The following WWC2 variants were observed in gnomAD, a reference collection of about 807,000 sequenced individuals.
The protein encoded by WWC2 is protein WWC2.
In WWC2, 101 loss-of-function variants were observed where a neutral mutation model predicts 138.5. That is an observed-to-expected ratio of 0.73 (90% CI 0.62 to 0.86). The LOEUF is 0.86. WWC2 is among the 40% of genes least tolerant of loss of function. WWC2 has a pLI of 0.00. For missense variants in WWC2, 1,420 were observed against 1,419.4 expected, an observed-to-expected ratio of 1.00 and a Z score of -0.01; for synonymous variants, 558 against 538.4, an observed-to-expected ratio of 1.04 and a Z score of -0.50.
intron 4 of WWC2, among the ~76,000 whole-genome samples, chr4:183,236,478 G>C (rs1736428669): frequency 6.6e-6 from 1 of 152,172 alleles, no homozygotes; most frequent in Non-Finnish European, 1.5e-5. Context: ...CTTGGTGTTT[G>C]CCTTATTTGA....
intron 1 of WWC2, among the ~76,000 whole-genome samples, chr4:183,154,618 A>G (rs1733742166): frequency 6.6e-6 from 1 of 152,202 alleles, no homozygotes; most frequent in African/African-American, 2.4e-5. Context: ...AGGTATGGCA[A>G]CATTTCACAA....
At chr4:183,138,379 A>C (rs1733186805) in intron 1 of WWC2, among the ~76,000 whole-genome samples, 2 of 152,162 alleles carry the variant, frequency 1.3e-5, no homozygotes, top group South Asian at 4.1e-4. Flanking sequence ...GTGTGGTTGT[A>C]GATCCTAATT....
intron 1 of WWC2, among the ~76,000 whole-genome samples, chr4:183,148,768 G>C (rs149745934): frequency 6.6e-6 from 1 of 152,158 alleles, no homozygotes; most frequent in East Asian, 1.9e-4. Context: ...AGAAGAAACT[G>C]CTTCTTTCCT....
At chr4:183,116,543 C>A (rs996660561) in intron 1 of WWC2, among the ~76,000 whole-genome samples, 3 of 152,218 alleles carry the variant, frequency 2.0e-5, no homozygotes, top group African/African-American at 7.2e-5. Flanking sequence ...CCAAGCTGTA[C>A]ATCTAACAAG....
intron 21 of WWC2, among the ~76,000 whole-genome samples, chr4:183,300,572 T>G (rs993210234): frequency 2.0e-5 from 3 of 152,136 alleles, no homozygotes; most frequent in African/African-American, 7.2e-5. Flanking sequence ...ACAAAATTGT[T>G]TGGTATTGAT....
intron 11 of WWC2, among the ~76,000 whole-genome samples, chr4:183,263,831 G>C (rs1006618843): frequency 6.6e-6 from 1 of 152,142 alleles, no homozygotes; most frequent in African/African-American, 2.4e-5. Flanking sequence ...CCTGCATGTG[G>C]GGTGGTGGCT....
At chr4:183,189,302 T>C (rs1012973073) in intron 1 of WWC2, among the ~76,000 whole-genome samples, 1 of 151,886 alleles carries the variant, frequency 6.6e-6, no homozygotes, top group Admixed American at 6.6e-5. Flanking sequence ...CCAGGCGTGG[T>C]GGCGGGCGCC....
chr4:183,310,666 A>AT (rs1739181149), intron 21 of WWC2, among the ~76,000 whole-genome samples: 11 of 78,026 alleles, frequency 1.4e-4, no homozygotes, highest in Admixed American at 1.3e-3. Flanking sequence ...ACACCTAGCT[A>AT]ATTTTTTTTT....
At chr4:183,151,726 AG>A (rs1255854737) in intron 1 of WWC2, among the ~76,000 whole-genome samples, 1 of 152,172 alleles carries the variant, frequency 6.6e-6, no homozygotes, top group Non-Finnish European at 1.5e-5. Flanking sequence ...ATAAGGTGTA[AG>A]GAAGGGATCC....
intron 2 of WWC2, among the ~76,000 whole-genome samples, chr4:183,205,668 G>C (rs551852588): frequency 2.0e-5 from 3 of 152,226 alleles, no homozygotes; most frequent in Non-Finnish European, 2.9e-5. Context: ...TGGTCTTTTA[G>C]AAGCTTGTTT....
At position 183,320,552 on chromosome 4, in the gene WWC2, T is replaced by C. The variant is rs1404017268; in HGVS notation, c.*4823T>C. ...CAAGGTTAAAATGGCTTTCATGTTATTCCCAACCTTTCTAACAAAGAATTA... is the reference window on the plus strand; with the variant it reads ...CAAGGTTAAAATGGCTTTCATGTTACTCCCAACCTTTCTAACAAAGAATTA... On this transcript the variant is annotated 3_prime_UTR_variant, in exon 23 of 23. Coordinates refer to ENST00000403733, the MANE Select transcript of WWC2 (RefSeq NM_024949.6). The C allele has an allele frequency of 1.0e-5, 3 of 291,628 alleles. No homozygotes were observed. The highest frequency in any genetic ancestry group is 4.8e-5 in the Admixed American group (1 of 20,770). The allele number at this position is 291,628 out of a possible 1,614,324, so 18.1% of individuals were successfully genotyped here. A position where few individuals can be genotyped will look rare whatever the true frequency, so the allele number is the denominator to read the frequency against.
At chr4:183,261,579 A>G (rs1215013863) in intron 11 of WWC2, 47 bp downstream of exon 11, 1 of 1,541,436 alleles carries the variant, frequency 6.5e-7, no homozygotes, top group East Asian at 2.3e-5. Flanking sequence ...AGTGATTTTA[A>G]GGAGAATGAT....
chr4:183,273,405 A>G (rs1737756731), intron 16 of WWC2, among the ~76,000 whole-genome samples: 2 of 152,124 alleles, frequency 1.3e-5, no homozygotes, highest in Admixed American at 1.3e-4. Flanking sequence ...CCCAGGTTCA[A>G]GTGATTCTCC....
At chr4:183,247,647 A>AGTATATATAGT (rs1560864799) in intron 6 of WWC2, among the ~76,000 whole-genome samples, 1 of 140,736 alleles carries the variant, frequency 7.1e-6, no homozygotes, top group African/African-American at 2.7e-5. Flanking sequence ...TACTATATAT[A>AGTATATATAGT]CTATATACTA....
At chr4:183,128,310 G>C (rs753434407) in intron 1 of WWC2, among the ~76,000 whole-genome samples, 2 of 152,074 alleles carry the variant, frequency 1.3e-5, no homozygotes, top group Non-Finnish European at 2.9e-5. Flanking sequence ...TTGCACTCCA[G>C]CCTGGGCGAC....
At chr4:183,226,205 T>G (rs1183795671) in intron 4 of WWC2, among the ~76,000 whole-genome samples, 1 of 150,064 alleles carries the variant, frequency 6.7e-6, no homozygotes, top group Non-Finnish European at 1.5e-5. Context: ...CAGATGATCC[T>G]CCTGCCTCAG....
intron 2 of WWC2, among the ~76,000 whole-genome samples, chr4:183,194,258 A>G (rs1323217229): frequency 6.6e-6 from 1 of 152,160 alleles, no homozygotes; most frequent in Admixed American, 6.5e-5. Flanking sequence ...TAAATCTGTC[A>G]TATCTCTGAC....
intron 1 of WWC2, among the ~76,000 whole-genome samples, chr4:183,109,736 G>C (rs1732166591): frequency 6.6e-6 from 1 of 152,184 alleles, no homozygotes; most frequent in Non-Finnish European, 1.5e-5. Flanking sequence ...CTGTGGCTAG[G>C]GGTTGGGAAC....
chr4:183,138,783 T>G (rs1006574711), intron 1 of WWC2, among the ~76,000 whole-genome samples: 3 of 152,084 alleles, frequency 2.0e-5, no homozygotes, highest in Non-Finnish European at 4.4e-5. Context: ...AGGCAAGTTT[T>G]TTGTTTTTTT....
Sources: gnomAD v4.1 joint callset for allele counts (sites outside exome capture counted in the v4.1 genomes callset) on GRCh38, gnomAD v4.1.1 for gene constraint, MANE v1.5 for transcripts, NCBI Gene and HGNC (gene_info 2026-07-23, HGNC 2026-07-21) for gene names.